ADARB2: variants seen among roughly 807,000 people sequenced by gnomAD.
ADARB2 encodes the protein inactive double-stranded RNA-specific editase B2.
In ADARB2, 25 loss-of-function variants were observed where a neutral mutation model predicts 62.2. That is an observed-to-expected ratio of 0.40 (90% confidence interval 0.29 to 0.56). The LOEUF (loss-of-function observed/expected upper bound fraction) is 0.56, where lower values mean the gene tolerates loss of function less well. ADARB2 is among the 20% of genes least tolerant of loss of function. ADARB2 has a pLI of 0.43. For missense variants in ADARB2, 1,071 were observed against 1,077.4 expected (o/e 0.99, Z 0.08); for synonymous variants, 572 against 500.8 (o/e 1.14, Z -1.90).
At chr10:1,231,228 C>T (rs944308449) in intron 6 of ADARB2, among the ~76,000 whole-genome samples, 11 of 152,186 alleles carry the variant, frequency 7.2e-5, no homozygotes, top group African/African-American at 2.4e-4. Flanking sequence ...AAGCATTTGG[C>T]GGGACTTTTC....
intron 2 of ADARB2, 63 bp from the exon 3 acceptor site, chr10:1,363,980 A>G: frequency 7.1e-7 from 1 of 1,410,094 alleles, no homozygotes; most frequent in Non-Finnish European, 9.2e-7. Flanking sequence ...TGGGCACAGC[A>G]GGCACTCCCT....
intron 1 of ADARB2, among the ~76,000 whole-genome samples, chr10:1,604,581 A>G (rs1034150839): frequency 6.6e-6 from 1 of 152,202 alleles, no homozygotes; most frequent in Non-Finnish European, 1.5e-5. Flanking sequence ...ATACTGTAGC[A>G]CAATTTAGGG....
At position 1,180,717 on chromosome 10, in the gene ADARB2, G is replaced by A. The variant is rs1474531434; in HGVS notation, c.*2476C>T. 1.3e-5 allele frequency: 2 copies of A among 152,408 alleles called. No individual in the cohort carries two copies. Among genetic ancestry groups the A allele is most frequent in the Non-Finnish European group, 1.5e-5 (1 of 68,228 alleles). The allele number at this position is 152,408 out of a possible 1,614,324, so 9.4% of individuals were successfully genotyped here. A position where few individuals can be genotyped will look rare whatever the true frequency, so the allele number is the denominator to read the frequency against. ...ACAGATCCCTCCACGGAAAGGCTCC[G>A]GCACCTCAACCTCACTCTGGCTGCA... On this transcript the variant is annotated 3_prime_UTR_variant, in exon 10 of 10. Coordinates refer to ENST00000381312, the MANE Select transcript of ADARB2 (RefSeq NM_018702.4).
intron 3 of ADARB2, among the ~76,000 whole-genome samples, chr10:1,286,064 C>CG (rs1309148339): frequency 1.0e-4 from 2 of 19,854 alleles, no homozygotes; most frequent in Admixed American, 7.3e-4. Context: ...TGTTTCACAG[C>CG]GGGGGCGGGT....
chr10:1,524,735 A>C (rs569455375), intron 1 of ADARB2, among the ~76,000 whole-genome samples: 1 of 152,224 alleles, frequency 6.6e-6, no homozygotes, highest in African/African-American at 2.4e-5. Context: ...GTCAGAGTGC[A>C]CACGCGCGTG....
intron 1 of ADARB2, among the ~76,000 whole-genome samples, chr10:1,718,308 G>C (rs920533931): frequency 2.0e-5 from 3 of 152,168 alleles, no homozygotes; most frequent in African/African-American, 7.2e-5. Flanking sequence ...CTGTGACTTG[G>C]AGGAATCATC....
At chr10:1,240,920 G>A (rs1830914471) in intron 5 of ADARB2, among the ~76,000 whole-genome samples, 2 of 152,218 alleles carry the variant, frequency 1.3e-5, no homozygotes, top group South Asian at 4.1e-4. Context: ...GCAGGCCTCA[G>A]GGAACTGAGG....
intron 3 of ADARB2, among the ~76,000 whole-genome samples, chr10:1,278,432 CA>C (rs1364770159): frequency 1.3e-5 from 2 of 151,692 alleles, no homozygotes; most frequent in Non-Finnish European, 2.9e-5. Context: ...CCTCCCTCCC[CA>C]CCAGTATTCC....
chr10:1,423,227 G>C lies in ADARB2; in HGVS notation c.101-44067C>G, dbSNP rs532655494. Among the ~76,000 whole-genome samples, 4 of 152,308 alleles carry C rather than the reference G, an allele frequency of 2.6e-5. No homozygotes were observed. In the East Asian group the frequency reaches 7.7e-4, roughly 29 times the overall value. ...AGTCCTGGCCCGGGCCCTTGTCCCA[G>C]CTTCACGCCATTGCTTACACCCTTG... On this transcript the variant is annotated intron_variant, in intron 1 of 9. Coordinates refer to ENST00000381312, the MANE Select transcript of ADARB2 (RefSeq NM_018702.4).
chr10:1,532,791 G>A (rs1323062838), intron 1 of ADARB2, among the ~76,000 whole-genome samples: 1 of 152,176 alleles, frequency 6.6e-6, no homozygotes, highest in Non-Finnish European at 1.5e-5. Flanking sequence ...GGGCAGGTGA[G>A]GGCACAGGCA....
chr10:1,503,352 AT>A (rs532165381), intron 1 of ADARB2, among the ~76,000 whole-genome samples: 21,945 of 139,746 alleles, frequency 0.16, 1,736 homozygotes, highest in East Asian at 0.21. Flanking sequence ...ATACCCAGCT[AT>A]TTTTTTTTTT....
chr10:1,363,637 G>A lies in ADARB2; in HGVS notation c.468C>T (p.Phe156=), dbSNP rs1413445821. 1.2e-6 allele frequency: 2 copies of A among 1,605,062 alleles called. No individual in the cohort carries two copies. Among genetic ancestry groups the A allele is most frequent in the Non-Finnish European group, 1.7e-6 (2 of 1,175,784 alleles). The change falls in exon 3 of 10, where the codon TTC becomes TTT. Residue 156 remains phenylalanine, a synonymous_variant. Coordinates refer to ENST00000381312, the MANE Select transcript of ADARB2 (RefSeq NM_018702.4). ...SQTGPVHAPV[F]AVAVEVNGLT... ...GCCCGTTCACCTCCACCGCTACCGCGAAGACCGGGGCATGCACCGGGCCCG... is the reference window on the plus strand; with the variant it reads ...GCCCGTTCACCTCCACCGCTACCGCAAAGACCGGGGCATGCACCGGGCCCG...
At chr10:1,718,629 C>G (rs961579795) in intron 1 of ADARB2, among the ~76,000 whole-genome samples, 1 of 152,032 alleles carries the variant, frequency 6.6e-6, no homozygotes, top group Non-Finnish European at 1.5e-5. Flanking sequence ...GAGATTGCAG[C>G]TGGCAACACG....
chr10:1,628,483 A>T (rs576311832), intron 1 of ADARB2, among the ~76,000 whole-genome samples: 30 of 152,378 alleles, frequency 2.0e-4, no homozygotes, highest in African/African-American at 7.2e-4. Context: ...CATGAGAATG[A>T]CACAGATATT....
At chr10:1,192,981 G>A (rs1836863472) in intron 8 of ADARB2, among the ~76,000 whole-genome samples, 1 of 152,250 alleles carries the variant, frequency 6.6e-6, no homozygotes, top group African/African-American at 2.4e-5. Context: ...CAAGCCAGAA[G>A]GGAATATGAA....
intron 1 of ADARB2, among the ~76,000 whole-genome samples, chr10:1,525,378 A>G (rs1448652612): frequency 6.6e-6 from 1 of 152,266 alleles, no homozygotes; most frequent in Non-Finnish European, 1.5e-5. Flanking sequence ...TCTGAAATCT[A>G]AAATCTGAAA....
chr10:1,446,590 C>A (rs74122619), intron 1 of ADARB2, among the ~76,000 whole-genome samples: 1,779 of 152,288 alleles, frequency 0.012, 42 homozygotes, highest in African/African-American at 0.041. Context: ...ACACGCTGGG[C>A]ACAGAGGCAG....
At chr10:1,510,964 C>A (rs890572761) in intron 1 of ADARB2, among the ~76,000 whole-genome samples, 6 of 152,190 alleles carry the variant, frequency 3.9e-5, no homozygotes, top group African/African-American at 1.4e-4. Flanking sequence ...GTGATCCTAC[C>A]ACCTCAGCCT....
At chr10:1,346,598 C>T (rs1245847589) in intron 3 of ADARB2, among the ~76,000 whole-genome samples, 5 of 152,240 alleles carry the variant, frequency 3.3e-5, no homozygotes. Context: ...ATTTGACCCC[C>T]AGCCATGCTG....
Sources: allele counts gnomAD v4.1 joint callset (sites outside exome capture counted in the v4.1 genomes callset), GRCh38; gene constraint gnomAD v4.1.1; transcripts MANE v1.5; gene names NCBI Gene and HGNC (gene_info 2026-07-23, HGNC 2026-07-21).